The following GRID2 variants were observed in gnomAD, a reference collection of about 807,000 sequenced individuals.
GRID2 encodes the protein glutamate receptor ionotropic, delta-2.
Under a neutral mutation model 114.8 loss-of-function variants are expected in GRID2, and 33 were observed. The observed-to-expected ratio is 0.29, with a 90% CI of 0.22 to 0.38. GRID2 has a LOEUF of 0.38. Among genes scored for constraint, GRID2 ranks in the 10% least tolerant of loss-of-function variants. The probability of loss-of-function intolerance (pLI) is 1.00; values close to 1 mark genes in which losing one functional copy is unlikely to be tolerated. For missense variants in GRID2, 1,184 were observed against 1,257.7 expected (o/e 0.94, Z 0.89); for synonymous variants, 505 against 449.9 (o/e 1.12, Z -1.55).
At chr4:93,124,206 A>G (rs1259735648) in intron 4 of GRID2, among the ~76,000 whole-genome samples, 1 of 152,096 alleles carries the variant, frequency 6.6e-6, no homozygotes, top group Non-Finnish European at 1.5e-5. Context: ...GAAGGCAAGG[A>G]CAGGCTAACA....
At chr4:93,033,884 A>G (rs1724672538) in intron 2 of GRID2, among the ~76,000 whole-genome samples, 1 of 152,108 alleles carries the variant, frequency 6.6e-6, no homozygotes, top group Non-Finnish European at 1.5e-5. Flanking sequence ...AACTTACCAA[A>G]CAGTTTGGGG....
At chr4:93,133,880 C>A (rs1735012141) in intron 4 of GRID2, among the ~76,000 whole-genome samples, 1 of 152,082 alleles carries the variant, frequency 6.6e-6, no homozygotes, top group Admixed American at 6.6e-5. Flanking sequence ...AATGATGTGG[C>A]AAGCTGTTGT....
At chr4:93,244,712 G>T (rs1748002234) in intron 8 of GRID2, among the ~76,000 whole-genome samples, 1 of 149,248 alleles carries the variant, frequency 6.7e-6, no homozygotes, top group African/African-American at 2.4e-5. Flanking sequence ...ATTTTTAATG[G>T]ACTAAAATCT....
At chr4:93,419,004 T>A (rs923134872) in intron 9 of GRID2, among the ~76,000 whole-genome samples, 2 of 151,698 alleles carry the variant, frequency 1.3e-5, no homozygotes, top group Admixed American at 1.3e-4. Context: ...GACTTTGAGT[T>A]GAGATTCTTC....
intron 1 of GRID2, among the ~76,000 whole-genome samples, chr4:92,492,767 A>C (rs1302604820): frequency 6.6e-6 from 1 of 152,088 alleles, no homozygotes; most frequent in East Asian, 1.9e-4. Flanking sequence ...CCACCAAAAA[A>C]ATTTTATTAT....
chr4:92,476,815 C>T (rs1392395217), intron 1 of GRID2, among the ~76,000 whole-genome samples: 1 of 151,978 alleles, frequency 6.6e-6, no homozygotes, highest in Non-Finnish European at 1.5e-5. Context: ...TGTGGTGTTG[C>T]ATAATGATGG....
intron 3 of GRID2, among the ~76,000 whole-genome samples, chr4:93,109,340 G>C (rs1380084823): frequency 6.6e-6 from 1 of 152,154 alleles, no homozygotes; most frequent in Non-Finnish European, 1.5e-5. Flanking sequence ...GATTTTTAAA[G>C]TCATCAGATA....
At chr4:92,910,226 A>G (rs536469277) in intron 2 of GRID2, among the ~76,000 whole-genome samples, 1 of 152,126 alleles carries the variant, frequency 6.6e-6, no homozygotes, top group African/African-American at 2.4e-5. Flanking sequence ...AAAAAAAAAA[A>G]GTAAATGCTC....
intron 13 of GRID2, among the ~76,000 whole-genome samples, chr4:93,523,734 C>T (rs1375080086): frequency 6.6e-6 from 1 of 152,114 alleles, no homozygotes; most frequent in African/African-American, 2.4e-5. Context: ...GCTTGGCTAA[C>T]AGCAATCTCA....
intron 2 of GRID2, among the ~76,000 whole-genome samples, chr4:93,043,558 G>A (rs920514912): frequency 5.3e-5 from 8 of 152,132 alleles, no homozygotes; most frequent in African/African-American, 7.2e-5. Flanking sequence ...GTTTATTTCC[G>A]AAAGTGTGAT....
chr4:93,069,163 C>G (rs1483348785), intron 2 of GRID2, among the ~76,000 whole-genome samples: 1 of 151,884 alleles, frequency 6.6e-6, no homozygotes, highest in Non-Finnish European at 1.5e-5. Flanking sequence ...CCACCTCCAA[C>G]ATTCGAGATT....
At chr4:92,791,668 G>A (rs1280760441) in intron 2 of GRID2, among the ~76,000 whole-genome samples, 1 of 151,878 alleles carries the variant, frequency 6.6e-6, no homozygotes, top group African/African-American at 2.4e-5. Flanking sequence ...TATGGTGTCT[G>A]TTGTTTCATG....
At chr4:92,729,095 A>G (rs116566028) in intron 2 of GRID2, among the ~76,000 whole-genome samples, 3,416 of 152,108 alleles carry the variant, frequency 0.022, 124 homozygotes, top group African/African-American at 0.078. Flanking sequence ...GGCCTTGCTT[A>G]TATTATTCAC....
At chr4:93,623,906 G>T (rs1274314116) in intron 13 of GRID2, among the ~76,000 whole-genome samples, 3 of 151,908 alleles carry the variant, frequency 2.0e-5, no homozygotes, top group Non-Finnish European at 4.4e-5. Flanking sequence ...TAACCTTCAG[G>T]CATTTTATTT....
intron 2 of GRID2, among the ~76,000 whole-genome samples, chr4:92,707,437 T>C (rs1735006548): frequency 6.6e-6 from 1 of 152,208 alleles, no homozygotes; most frequent in South Asian, 2.1e-4. Flanking sequence ...AATACAAATA[T>C]ATTAAATGCC....
At chr4:93,410,145 A>G (rs1766963675) in intron 9 of GRID2, among the ~76,000 whole-genome samples, 1 of 152,188 alleles carries the variant, frequency 6.6e-6, no homozygotes, top group African/African-American at 2.4e-5. Flanking sequence ...ACCAAAAAAT[A>G]AAAAAACTAA....
At chr4:92,310,554 G>A (rs1224578267) in intron 1 of GRID2, among the ~76,000 whole-genome samples, 1 of 151,898 alleles carries the variant, frequency 6.6e-6, no homozygotes, top group Non-Finnish European at 1.5e-5. Context: ...TATTGATGTG[G>A]ACACACATTT....
intron 8 of GRID2, among the ~76,000 whole-genome samples, chr4:93,382,127 C>A (rs1307872646): frequency 6.6e-6 from 1 of 152,008 alleles, no homozygotes; most frequent in Non-Finnish European, 1.5e-5. Context: ...ATAATTTTAT[C>A]AAAAATCCCT....
At chr4:92,713,821 C>T (rs945003473) in intron 2 of GRID2, among the ~76,000 whole-genome samples, 6 of 151,810 alleles carry the variant, frequency 4.0e-5, no homozygotes, top group African/African-American at 1.5e-4. Context: ...GATACAATTA[C>T]CTCCCACCAG....
Sources: gnomAD v4.1 joint callset for allele counts (sites outside exome capture counted in the v4.1 genomes callset) on GRCh38, gnomAD v4.1.1 for gene constraint, MANE v1.5 for transcripts, NCBI Gene and HGNC (gene_info 2026-07-23, HGNC 2026-07-21) for gene names.